RBFOX2: variants seen among roughly 807,000 people sequenced by gnomAD.
RBFOX2 encodes RNA binding protein fox-1 homolog 2.
A neutral mutation model predicts 49.1 loss-of-function variants in RBFOX2; 10 were observed. The ratio of observed to expected loss-of-function variants is 0.20; its 90% CI spans 0.13 to 0.35. RBFOX2 has a LOEUF of 0.35. RBFOX2 is among the 10% of genes least tolerant of loss of function. The pLI, the probability that RBFOX2 is intolerant of heterozygous loss-of-function variation, is 1.00. For synonymous variants in RBFOX2, 183 were observed against 187.4 expected (o/e 0.98, Z 0.19); for missense variants, 323 against 486.9 (o/e 0.66, Z 3.17).
At chr22:35,940,837 A>G (rs2053617581), upstream of RBFOX2, among the ~76,000 whole-genome samples, 1 of 152,188 alleles carries the variant, frequency 6.6e-6, no homozygotes, top group African/African-American at 2.4e-5. Context: ...GCCACAAATT[A>G]TATAATTTGA....
chr22:36,028,185 G>A (rs2059523781), intron 1 of RBFOX2, 55 bp downstream of exon 1: 1 of 1,411,560 alleles, frequency 7.1e-7, no homozygotes, highest in Non-Finnish European at 9.2e-7. Flanking sequence ...GGAGCCCGGT[G>A]TCGACCCTCA....
At chr22:35,750,541 CT>C in intron 9 of RBFOX2, 3 of 941,206 alleles carry the variant, frequency 3.2e-6, no homozygotes, top group Non-Finnish European at 5.1e-6. Context: ...ACACGGACGG[CT>C]TTTTGGAACT....
chr22:35,850,234 A>ACACACACACC (rs1458238256), intron 1 of RBFOX2, among the ~76,000 whole-genome samples: 41 of 147,590 alleles, frequency 2.8e-4, no homozygotes, highest in Admixed American at 1.9e-3. Context: ...ACACACACAC[A>ACACACACACC]CCCTTCTCAC....
At chr22:35,961,344 C>T (rs2056183427) in intron 1 of RBFOX2, among the ~76,000 whole-genome samples, 1 of 152,104 alleles carries the variant, frequency 6.6e-6, no homozygotes, top group Non-Finnish European at 1.5e-5. Flanking sequence ...TAGATGAGCT[C>T]CTTTGTTAAA....
chr22:35,995,926 G>C (rs971953350), intron 1 of RBFOX2: 1 of 152,178 alleles, frequency 6.6e-6, no homozygotes. Flanking sequence ...AGATTCAGAC[G>C]ATTATGGAAA....
chr22:35,966,509 C>G (rs1368623614), upstream of RBFOX2, among the ~76,000 whole-genome samples: 1 of 152,100 alleles, frequency 6.6e-6, no homozygotes, highest in Non-Finnish European at 1.5e-5. Context: ...TAATGTCTGC[C>G]TTTTTCATTT....
intron 4 of RBFOX2, among the ~76,000 whole-genome samples, chr22:35,770,161 G>A (rs1942261698): frequency 6.6e-6 from 1 of 152,174 alleles, no homozygotes; most frequent in African/African-American, 2.4e-5. Context: ...ACTAGCACCT[G>A]CTGAAGACAA....
chr22:36,018,811 A>T (rs572708927), intron 1 of RBFOX2, among the ~76,000 whole-genome samples: 7 of 152,110 alleles, frequency 4.6e-5, no homozygotes, highest in Admixed American at 2.6e-4. Flanking sequence ...ACAGGGTTTC[A>T]TCATGTTGGC....
chr22:35,942,073 T>C (rs1294477083), upstream of RBFOX2, among the ~76,000 whole-genome samples: 1 of 152,240 alleles, frequency 6.6e-6, no homozygotes, highest in Non-Finnish European at 1.5e-5. Context: ...TTTACTATGA[T>C]TGCCATTTAG....
intron 4 of RBFOX2, among the ~76,000 whole-genome samples, chr22:35,772,230 A>AT (rs1364790035): frequency 2.6e-5 from 4 of 152,194 alleles, no homozygotes; most frequent in Non-Finnish European, 5.9e-5. Flanking sequence ...TTTAATTTTT[A>AT]ATTAAAAAAT....
intron 1 of RBFOX2, among the ~76,000 whole-genome samples, chr22:35,864,601 C>G (rs2043462506): frequency 6.6e-6 from 1 of 152,138 alleles, no homozygotes; most frequent in African/African-American, 2.4e-5. Context: ...TACTTAGGAT[C>G]TATTACTTTG....
At chr22:35,997,862 G>C (rs1327421806) in intron 1 of RBFOX2, 1 of 152,192 alleles carries the variant, frequency 6.6e-6, no homozygotes, top group Non-Finnish European at 1.5e-5. Flanking sequence ...AAATTACCCA[G>C]ACATGGTGGC....
intron 1 of RBFOX2, among the ~76,000 whole-genome samples, chr22:35,824,584 A>T (rs899959634): frequency 2.6e-5 from 4 of 152,226 alleles, no homozygotes; most frequent in Admixed American, 2.6e-4. Flanking sequence ...TAGTCATCAG[A>T]AATGCTATTA....
intron 1 of RBFOX2, among the ~76,000 whole-genome samples, chr22:35,960,961 TAA>T (rs370831996): frequency 6.9e-6 from 1 of 145,326 alleles, no homozygotes. Flanking sequence ...TATATTTGTT[TAA>T]AAAAAAAAAG....
chr22:35,903,005 T>TCTTCTTACCA (rs2048756090), intron 1 of RBFOX2, among the ~76,000 whole-genome samples: 1 of 152,080 alleles, frequency 6.6e-6, no homozygotes, highest in Admixed American at 6.6e-5. Flanking sequence ...TCAGACAGTA[T>TCTTCTTACCA]CTTCTTACCA....
chr22:35,871,827 G>T (rs546543500), intron 1 of RBFOX2, among the ~76,000 whole-genome samples: 1 of 152,142 alleles, frequency 6.6e-6, no homozygotes, highest in Non-Finnish European at 1.5e-5. Context: ...TAAGGGTAAT[G>T]TTTAACCCCT....
chr22:35,766,354 A>G (rs1375225229), intron 5 of RBFOX2, among the ~76,000 whole-genome samples: 5 of 152,218 alleles, frequency 3.3e-5, no homozygotes, highest in African/African-American at 1.2e-4. Context: ...AGGTCATAAA[A>G]CATGCCAATT....
At chr22:35,767,036 G>A (rs746454381) in intron 5 of RBFOX2, among the ~76,000 whole-genome samples, 14 of 152,142 alleles carry the variant, frequency 9.2e-5, no homozygotes, top group Non-Finnish European at 1.9e-4. Flanking sequence ...GGAAAAGTAG[G>A]GAAGGATGTA....
At chr22:35,807,576 T>C (rs1391305906) in intron 2 of RBFOX2, among the ~76,000 whole-genome samples, 3 of 151,886 alleles carry the variant, frequency 2.0e-5, no homozygotes, top group Non-Finnish European at 4.4e-5. Flanking sequence ...ATATAGATCA[T>C]ATTTTACGGT....
Sources: allele counts gnomAD v4.1 joint callset (sites outside exome capture counted in the v4.1 genomes callset), GRCh38; gene constraint gnomAD v4.1.1; transcripts MANE v1.5; gene names NCBI Gene and HGNC (gene_info 2026-07-23, HGNC 2026-07-21).